The following WDFY1 variants were observed in gnomAD, a reference collection of about 807,000 sequenced individuals.
WDFY1 encodes the protein WD repeat and FYVE domain-containing protein 1.
A neutral mutation model predicts 56.4 loss-of-function variants in WDFY1; 32 were observed. The ratio of observed to expected loss-of-function variants is 0.57; its 90% CI spans 0.43 to 0.76. The LOEUF (loss-of-function observed/expected upper bound fraction) is 0.76, where lower values mean the gene tolerates loss of function less well. Ranked by LOEUF, WDFY1 falls within the 30% of genes least tolerant of loss-of-function variation. The pLI is 0.00. For missense variants in WDFY1, 480 were observed against 545.7 expected, an observed-to-expected ratio of 0.88 and a Z score of 1.20; for synonymous variants, 192 against 197.3, an observed-to-expected ratio of 0.97 and a Z score of 0.23.
intron 4 of WDFY1, among the ~76,000 whole-genome samples, chr2:223,904,542 C>G (rs1046643177): frequency 6.6e-6 from 1 of 152,116 alleles, no homozygotes; most frequent in Non-Finnish European, 1.5e-5. Flanking sequence ...GGTGAGTCAC[C>G]GTGCCTGGAT....
At chr2:223,942,140 T>C in intron 1 of WDFY1, among the ~76,000 whole-genome samples, 1 of 152,186 alleles carries the variant, frequency 6.6e-6, no homozygotes, top group Non-Finnish European at 1.5e-5. Context: ...GCACTGCTCC[T>C]GACCAGCAAT....
chr2:223,896,635 A>G (rs1693385807), intron 6 of WDFY1, among the ~76,000 whole-genome samples: 1 of 152,230 alleles, frequency 6.6e-6, no homozygotes, highest in Admixed American at 6.5e-5. Context: ...TAATCAACTT[A>G]GTAAAACTGA....
At chr2:223,908,948 T>C (rs1425283700) in intron 3 of WDFY1, among the ~76,000 whole-genome samples, 13 of 152,268 alleles carry the variant, frequency 8.5e-5, no homozygotes. Context: ...CTCTTCTCCA[T>C]CACCACCCCA....
intron 8 of WDFY1, among the ~76,000 whole-genome samples, chr2:223,886,462 C>T (rs1290330560): frequency 6.6e-6 from 1 of 152,140 alleles, no homozygotes; most frequent in African/African-American, 2.4e-5. Context: ...CAGTGGCTCA[C>T]ACCTGTAATC....
At chr2:223,897,375 TATATATATA>T (rs1489368934) in intron 6 of WDFY1, among the ~76,000 whole-genome samples, 1,818 of 19,302 alleles carry the variant, frequency 0.094, 108 homozygotes, top group African/African-American at 0.16. Flanking sequence ...TATATATATA[TATATATATA>T]TATATATTTT....
rs560546554 is a variant in WDFY1 at position 223,933,783 on chromosome 2, C to T, written c.137+11365G>A. 1.0e-4 allele frequency among the ~76,000 whole-genome samples: 12 copies of T among 116,718 alleles called. No individual in the cohort carries two copies. The South Asian group carries it at 1.3e-3, about 13-fold the overall frequency. 76.6% of individuals were successfully genotyped at this position (116,718 alleles called of 152,430 possible). Reference sequence around the variant, plus strand: ...ACCAGCCTGGGCAACATAGTGAGACCCCCCCCCATCTCTACAAAAAAAAAT... The same window carrying T: ...ACCAGCCTGGGCAACATAGTGAGACTCCCCCCCATCTCTACAAAAAAAAAT... On this transcript the variant is annotated intron_variant, in intron 1 of 11. Transcript: ENST00000233055.
rs187875369 is a variant in WDFY1, at chr2:223,910,793, G to A, written c.279+1460C>T. On this transcript the variant is annotated intron_variant, in intron 3 of 11. Transcript: ENST00000233055. ...AGTGTTAGCAAGGATTTGGAGAGCC[G>A]GAAACCTTGCGTGTTGCTGGTGAGA... is the stretch of plus-strand genomic sequence containing the variant. Among the ~76,000 whole-genome samples the A allele has an allele frequency of 5.9e-5, 9 of 152,200 alleles. No homozygotes were observed. In the East Asian group the frequency reaches 9.7e-4, roughly 16 times the overall value.
chr2:223,899,013 C>T lies in WDFY1; in HGVS notation c.543G>A (p.Leu181=). Residue 181 remains leucine (L), a synonymous_variant, in exon 6 of 12, where the codon CTG becomes CTA. Transcript: ENST00000233055. ...AACACGTGTTCTGTTCAAGCTTCAG[C>T]AGGGTGATCTGCCCAGAATAATCAC... ...FVGDYSGQIT[L]LKLEQNTCSV... The T allele has an allele frequency of 6.2e-7, 1 of 1,614,134 alleles. No individual in the cohort carries two copies. The highest frequency in any genetic ancestry group is 1.1e-5 in the South Asian group (1 of 91,076).
chr2:223,895,069 A>G (rs1281204395), intron 7 of WDFY1, among the ~76,000 whole-genome samples: 1 of 152,236 alleles, frequency 6.6e-6, no homozygotes, highest in Non-Finnish European at 1.5e-5. Context: ...TCTTAATTTA[A>G]TATCTTTTAG....
chr2:223,894,180 G>A (rs1470103034), intron 8 of WDFY1, 54 bp downstream of exon 8: 4 of 1,587,388 alleles, frequency 2.5e-6, no homozygotes, highest in Non-Finnish European at 3.5e-6. Context: ...CCAAGAAGAA[G>A]CCAGGTTCCT....
At chr2:223,903,591 A>G (rs1045690807) in intron 4 of WDFY1, among the ~76,000 whole-genome samples, 4 of 151,402 alleles carry the variant, frequency 2.6e-5, no homozygotes. Flanking sequence ...AGATGTGAAT[A>G]TGAAATAATT....
rs201750291 is a variant in WDFY1 at position 223,895,635 on chromosome 2, G to A, written c.599-5C>T. The A allele has an allele frequency of 6.2e-7, 1 of 1,613,374 alleles. No homozygotes were observed. Among genetic ancestry groups the A allele is most frequent in the African/African-American group, 1.3e-5 (1 of 74,904 alleles). ...ACCAGAGGCAGGCGACACTACCTAGGGATTTGTGAGAGAGAGAGAGAGAGG... is the reference window on the plus strand; with the variant it reads ...ACCAGAGGCAGGCGACACTACCTAGAGATTTGTGAGAGAGAGAGAGAGAGG... On this transcript the variant is annotated splice_polypyrimidine_tract_variant and splice_region_variant and intron_variant, in intron 6 of 11. Coordinates refer to ENST00000233055, the MANE Select transcript of WDFY1 (RefSeq NM_020830.5).
At chr2:223,943,741 A>T (rs1559178855) in intron 1 of WDFY1, among the ~76,000 whole-genome samples, 1 of 152,240 alleles carries the variant, frequency 6.6e-6, no homozygotes. Flanking sequence ...TTAAAGTCGA[A>T]TCATAAATAC....
intron 1 of WDFY1, among the ~76,000 whole-genome samples, chr2:223,937,490 T>C (rs953736931): frequency 3.3e-5 from 5 of 152,170 alleles, no homozygotes; most frequent in African/African-American, 1.2e-4. Context: ...CTAGGCACTG[T>C]TCCACGTGGT....
intron 6 of WDFY1, among the ~76,000 whole-genome samples, chr2:223,897,373 TA>T (rs57939865): frequency 0.048 from 1,824 of 37,826 alleles, 107 homozygotes; most frequent in African/African-American, 0.11. Flanking sequence ...TATATATATA[TA>T]TATATATATA....
chr2:223,903,205 T>C lies in WDFY1; in HGVS notation c.335-1872A>G, dbSNP rs147401800. 3.3e-3 allele frequency among the ~76,000 whole-genome samples: 499 copies of C among 152,318 alleles called. 2 individuals carry two copies. Among genetic ancestry groups the C allele is most frequent in the Non-Finnish European group, 4.5e-3 (309 of 68,030 alleles). On this transcript the variant is annotated intron_variant, in intron 4 of 11. Transcript: ENST00000233055. ...CAAGAACCACTGCACAAGAAACCTA[T>C]GCTGCCTTATAGCCCATAAAGAACT... is the stretch of plus-strand genomic sequence containing the variant.
In WDFY1 at chr2:223,943,432, A is replaced by C. The variant is rs1689348554; in HGVS notation, c.137+1716T>G. On this transcript the variant is annotated intron_variant, in intron 1 of 11. Transcript: ENST00000233055. ...AGGCACAAGCTCACTCAAAAGCAAAATCCAAAGGACCAACAGGAGTTGGGG... is the reference window on the plus strand; with the variant it reads ...AGGCACAAGCTCACTCAAAAGCAAACTCCAAAGGACCAACAGGAGTTGGGG... 2.0e-5 allele frequency among the ~76,000 whole-genome samples: 3 copies of C among 152,120 alleles called. No homozygotes were observed. The South Asian group carries it at 6.2e-4, about 31-fold the overall frequency.
chr2:223,920,752 T>C (rs1693873486), intron 1 of WDFY1, among the ~76,000 whole-genome samples: 1 of 152,222 alleles, frequency 6.6e-6, no homozygotes. Context: ...AGTTTGGCCC[T>C]TGCCTCAGTG....
At chr2:223,906,271 C>A (rs1264224376) in intron 3 of WDFY1, among the ~76,000 whole-genome samples, 1 of 152,186 alleles carries the variant, frequency 6.6e-6, no homozygotes, top group Non-Finnish European at 1.5e-5. Flanking sequence ...CAGATCAGCA[C>A]TCCATATTCC....
Sources: allele counts gnomAD v4.1 joint callset (sites outside exome capture counted in the v4.1 genomes callset), GRCh38; gene constraint gnomAD v4.1.1; transcripts MANE v1.5; gene names NCBI Gene and HGNC (gene_info 2026-07-23, HGNC 2026-07-21).